MLLT3: variants seen among roughly 807,000 people sequenced by gnomAD.
The protein encoded by MLLT3 is protein AF-9.
In MLLT3, 4 loss-of-function variants were observed where a neutral mutation model predicts 53.2. That is an observed-to-expected ratio of 0.08 (90% CI 0.04 to 0.17). The LOEUF is 0.17. MLLT3 is among the 10% of genes least tolerant of loss of function. The probability of loss-of-function intolerance (pLI) is 1.00; values close to 1 mark genes in which losing one functional copy is unlikely to be tolerated. For synonymous variants in MLLT3, 283 were observed against 230.6 expected (o/e 1.23, Z -2.06); for missense variants, 569 against 684.0 (o/e 0.83, Z 1.87).
intron 4 of MLLT3, among the ~76,000 whole-genome samples, chr9:20,425,460 A>G (rs1442454577): frequency 6.6e-6 from 1 of 152,128 alleles, no homozygotes; most frequent in Non-Finnish European, 1.5e-5. Flanking sequence ...GACTTCACAA[A>G]TGTACTTTAT....
At chr9:20,600,016 A>G (rs1026417804) in intron 2 of MLLT3, among the ~76,000 whole-genome samples, 1 of 152,116 alleles carries the variant, frequency 6.6e-6, no homozygotes, top group Non-Finnish European at 1.5e-5. Flanking sequence ...ACAGCCTTAT[A>G]AAGAGAACCC....
At chr9:20,497,552 C>G (rs1032813995) in intron 2 of MLLT3, among the ~76,000 whole-genome samples, 3 of 152,074 alleles carry the variant, frequency 2.0e-5, no homozygotes, top group African/African-American at 7.2e-5. Flanking sequence ...AATGTGTATG[C>G]TTTTTCAGGG....
At chr9:20,433,961 A>T (rs1823340594) in intron 4 of MLLT3, among the ~76,000 whole-genome samples, 1 of 151,664 alleles carries the variant, frequency 6.6e-6, no homozygotes, top group Non-Finnish European at 1.5e-5. Flanking sequence ...AAAAATACAA[A>T]AAAAAAAAAA....
At chr9:20,578,690 T>G (rs554539373) in intron 2 of MLLT3, among the ~76,000 whole-genome samples, 3 of 152,028 alleles carry the variant, frequency 2.0e-5, no homozygotes, top group Non-Finnish European at 4.4e-5. Context: ...TTTTAATTAA[T>G]TAAAAATTTT....
chr9:20,410,497 C>A (rs1822701214), intron 5 of MLLT3: 2 of 152,130 alleles, frequency 1.3e-5, no homozygotes, highest in South Asian at 2.1e-4. Context: ...CCTAGTGGCA[C>A]TGAAATTTAA....
rs1005753409 is a variant in MLLT3, at chr9:20,593,000, C to T, written c.193+27654G>A. Among the ~76,000 whole-genome samples the T allele has an allele frequency of 7.9e-5, 12 of 152,292 alleles. 1 individual carries two copies. The highest frequency in any genetic ancestry group is 6.5e-4 in the Admixed American group (10 of 15,298). ...TTATATAGTGACATTCCAACACTTG[C>T]TACCAAAGCTGTTAAGTATTATTAT... On this transcript the variant is annotated intron_variant, in intron 2 of 10. Coordinates refer to ENST00000380338, the MANE Select transcript of MLLT3 (RefSeq NM_004529.4).
intron 2 of MLLT3, among the ~76,000 whole-genome samples, chr9:20,603,131 GA>G (rs1200451451): frequency 6.6e-6 from 1 of 151,904 alleles, no homozygotes; most frequent in Non-Finnish European, 1.5e-5. Context: ...AAGCACTTTT[GA>G]AACATTAATC....
chr9:20,342,064 T>C lies in MLLT3; in HGVS notation c.*4379A>G, dbSNP rs1820748871. 1 of 211,272 alleles carries C rather than the reference T, an allele frequency of 4.7e-6. No homozygotes were observed. Among genetic ancestry groups the C allele is most frequent in the Non-Finnish European group, 9.6e-6 (1 of 104,294 alleles). The allele number at this position is 211,272 out of a possible 1,614,324, so 13.1% of individuals were successfully genotyped here. A position where few individuals can be genotyped will look rare whatever the true frequency, so the allele number is the denominator to read the frequency against. ...TTGTCCTCTCTCTGGATGTCTCAGATCTCCCCATCTATTCTTCTTTAGAAA... is the reference window on the plus strand; with the variant it reads ...TTGTCCTCTCTCTGGATGTCTCAGACCTCCCCATCTATTCTTCTTTAGAAA... On this transcript the variant is annotated 3_prime_UTR_variant, in exon 11 of 11. Coordinates refer to ENST00000380338, the MANE Select transcript of MLLT3 (RefSeq NM_004529.4).
chr9:20,568,313 C>T (rs1819437560), intron 2 of MLLT3, among the ~76,000 whole-genome samples: 2 of 152,084 alleles, frequency 1.3e-5, no homozygotes, highest in Admixed American at 1.3e-4. Flanking sequence ...ATACTATTCT[C>T]TCTACTTTTC....
intron 2 of MLLT3, among the ~76,000 whole-genome samples, chr9:20,549,775 A>G (rs1818882550): frequency 6.6e-6 from 1 of 152,200 alleles, no homozygotes; most frequent in East Asian, 1.9e-4. Flanking sequence ...TGACAGAAAT[A>G]CAAATACATG....
chr9:20,359,031 G>A (rs534336443), intron 8 of MLLT3, among the ~76,000 whole-genome samples: 27 of 151,406 alleles, frequency 1.8e-4, no homozygotes, highest in African/African-American at 5.6e-4. Context: ...TGTAGTCCCA[G>A]CTACTCGCGG....
rs1323338970 is a variant in MLLT3, at chr9:20,404,342, T to C, written c.1125+9379A>G. Among the ~76,000 whole-genome samples the C allele has an allele frequency of 3.3e-5, 5 of 152,214 alleles. No homozygotes were observed. In the East Asian group the frequency reaches 5.8e-4, roughly 18 times the overall value. ...CTGCCAACATCAGGTCTTCACATAA[T>C]GCAATTGATAAAATTACCTAACAAA... On this transcript the variant is annotated intron_variant, in intron 5 of 10. Transcript: ENST00000380338.
chr9:20,499,122 C>T (rs1825154893), intron 2 of MLLT3, among the ~76,000 whole-genome samples: 1 of 152,210 alleles, frequency 6.6e-6, no homozygotes, highest in Non-Finnish European at 1.5e-5. Flanking sequence ...ATCTCTGTCT[C>T]CATCTTCCCA....
chr9:20,551,508 C>T (rs1446995788), intron 2 of MLLT3, among the ~76,000 whole-genome samples: 3 of 152,172 alleles, frequency 2.0e-5, no homozygotes, highest in African/African-American at 7.2e-5. Flanking sequence ...CATTTTGAGT[C>T]CTACAGACCC....
intron 2 of MLLT3, among the ~76,000 whole-genome samples, chr9:20,608,288 G>A (rs1160396636): frequency 6.6e-6 from 1 of 151,836 alleles, no homozygotes; most frequent in Admixed American, 6.6e-5. Context: ...GATTTTTAAA[G>A]TCAGATGTAG....
At position 20,517,491 on chromosome 9, in the gene MLLT3, T is replaced by C. The variant is rs563552934; in HGVS notation, c.194-60705A>G. ...AAAAGAAAATTGGTTGAACCCAAGA[T>C]AAGGGCAGTGAAAATACAAGGTGTG... On this transcript the variant is annotated intron_variant, in intron 2 of 10. Coordinates refer to ENST00000380338, the MANE Select transcript of MLLT3 (RefSeq NM_004529.4). Among the ~76,000 whole-genome samples the C allele has an allele frequency of 6.7e-5, 10 of 149,622 alleles. No individual in the cohort carries two copies. The South Asian group carries it at 1.9e-3, about 28-fold the overall frequency.
intron 9 of MLLT3, among the ~76,000 whole-genome samples, chr9:20,354,223 T>C (rs1308724763): frequency 6.6e-6 from 1 of 152,238 alleles, no homozygotes; most frequent in African/African-American, 2.4e-5. Context: ...AGAGCTCCCC[T>C]GAAAGGGGAG....
chr9:20,415,328 C>T, intron 4 of MLLT3: 4 of 289,216 alleles, frequency 1.4e-5, no homozygotes, highest in Non-Finnish European at 2.1e-5. Flanking sequence ...TAATTGCTGC[C>T]TATTTCATTT....
chr9:20,490,870 C>G (rs1824931661), intron 2 of MLLT3, among the ~76,000 whole-genome samples: 1 of 152,088 alleles, frequency 6.6e-6, no homozygotes, highest in South Asian at 2.1e-4. Context: ...TGCTTAAGAA[C>G]ACAGAATCTA....
Sources: allele counts gnomAD v4.1 joint callset (sites outside exome capture counted in the v4.1 genomes callset), GRCh38; gene constraint gnomAD v4.1.1; transcripts MANE v1.5; gene names NCBI Gene and HGNC (gene_info 2026-07-23, HGNC 2026-07-21).